NCALD: variants seen among roughly 807,000 people sequenced by gnomAD.
NCALD encodes the protein neurocalcin delta, also known as neurocalcin-delta.
Under a neutral mutation model 18.6 loss-of-function variants are expected in NCALD, and 10 were observed. The observed-to-expected ratio is 0.54, with a 90% CI of 0.33 to 0.91. The LOEUF (loss-of-function observed/expected upper bound fraction) is 0.91. Ranked by LOEUF, NCALD falls within the 40% of genes least tolerant of loss-of-function variation. The pLI is 0.03. For synonymous variants in NCALD, 88 were observed against 87.4 expected (o/e 1.01, Z -0.04); for missense variants, 184 against 247.6 (o/e 0.74, Z 1.72).
rs1822181608 is a variant in NCALD at position 102,018,953 on chromosome 8, T to C, written c.-157+1284A>G. On this transcript the variant is annotated intron_variant, in intron 2 of 6. Coordinates refer to the NCALD transcript ENST00000311028. ...ATGAACTTCTGTTCATAAAAAAGAG[T>C]AAAAAGGTAAACCACAGAAAAAGAG... Among the ~76,000 whole-genome samples, 4 of 151,400 alleles carry C rather than the reference T, an allele frequency of 2.6e-5. No homozygotes were observed. The South Asian group carries it at 6.3e-4, about 24-fold the overall frequency.
intron 2 of NCALD, among the ~76,000 whole-genome samples, chr8:101,704,691 C>T (rs144569963): frequency 1.3e-5 from 2 of 151,162 alleles, no homozygotes; most frequent in Non-Finnish European, 3.0e-5. Flanking sequence ...CTGAGGCAGG[C>T]GGGATCAGCT....
At chr8:101,824,589 G>A (rs1554640430) in intron 4 of NCALD, among the ~76,000 whole-genome samples, 2 of 151,984 alleles carry the variant, frequency 1.3e-5, no homozygotes, top group East Asian at 1.9e-4. Context: ...AAGACAAGCT[G>A]AAAATGGCAA....
chr8:101,817,655 A>G (rs575939201), intron 4 of NCALD, among the ~76,000 whole-genome samples: 1 of 152,064 alleles, frequency 6.6e-6, no homozygotes, highest in East Asian at 1.9e-4. Context: ...GACAATGAGG[A>G]TTTCAGAATA....
chr8:102,038,744 T>C (rs764364583), intron 1 of NCALD, among the ~76,000 whole-genome samples: 18 of 152,164 alleles, frequency 1.2e-4, no homozygotes, highest in Non-Finnish European at 1.9e-4. Flanking sequence ...AATTCTAGAA[T>C]GGCCCTCTGA....
chr8:101,774,720 A>C (rs944438517), intron 1 of NCALD, among the ~76,000 whole-genome samples: 6 of 152,186 alleles, frequency 3.9e-5, no homozygotes, highest in African/African-American at 1.4e-4. Flanking sequence ...TACCCAAGGC[A>C]TGTCAGTCCC....
intron 4 of NCALD, among the ~76,000 whole-genome samples, chr8:101,859,818 C>G (rs1815466988): frequency 6.6e-6 from 1 of 152,096 alleles, no homozygotes; most frequent in African/African-American, 2.4e-5. Context: ...GTTCCCAAAA[C>G]AGTAACATAA....
intron 3 of NCALD, among the ~76,000 whole-genome samples, chr8:101,899,428 T>C (rs1328877132): frequency 2.0e-5 from 3 of 152,012 alleles, no homozygotes; most frequent in African/African-American, 7.2e-5. Flanking sequence ...CAGTACTATA[T>C]TGAATAGGAG....
intron 4 of NCALD, among the ~76,000 whole-genome samples, chr8:101,865,353 G>A (rs1815725904): frequency 6.6e-6 from 1 of 152,214 alleles, no homozygotes; most frequent in South Asian, 2.1e-4. Context: ...GAGGACTCCA[G>A]GAGGGCTATT....
In NCALD at chr8:101,858,668, T is replaced by C. The variant is rs117688151; in HGVS notation, c.-20+28473A>G. On this transcript the variant is annotated intron_variant, in intron 4 of 6. Coordinates refer to the NCALD transcript ENST00000311028. ...ACTGGAGGATTTCTCTTGGAAGAAA[T>C]AGAATAGCCCTAGGGAAAAGTCTAC... is the stretch of plus-strand genomic sequence containing the variant. 8.4e-4 allele frequency among the ~76,000 whole-genome samples: 128 copies of C among 152,072 alleles called. No homozygotes were observed. In the East Asian group the frequency reaches 0.024, roughly 29 times the overall value.
intron 1 of NCALD, among the ~76,000 whole-genome samples, chr8:102,025,510 A>G (rs1332123379): frequency 6.6e-6 from 1 of 152,194 alleles, no homozygotes; most frequent in Admixed American, 6.5e-5. Context: ...TTAAAAATCA[A>G]TGAGTGGTAG....
At chr8:101,715,847 G>A (rs1335668337) in intron 2 of NCALD, among the ~76,000 whole-genome samples, 1 of 152,194 alleles carries the variant, frequency 6.6e-6, no homozygotes. Flanking sequence ...TGGAAAAATA[G>A]GAATCCTTTT....
intron 1 of NCALD, among the ~76,000 whole-genome samples, chr8:102,117,451 C>T (rs568543403): frequency 1.6e-4 from 25 of 152,332 alleles, no homozygotes; most frequent in Non-Finnish European, 3.2e-4. Flanking sequence ...TCCTCGGCAT[C>T]CGCCAGCTCA....
At chr8:101,825,765 T>TTA (rs150939750) in intron 4 of NCALD, among the ~76,000 whole-genome samples, 6,321 of 152,242 alleles carry the variant, frequency 0.042, 318 homozygotes, top group East Asian at 0.12. Context: ...ATTAAACATT[T>TTA]TAGGCTTTGC....
chr8:101,721,187 CAAAGCTTAGAA>C (rs1445646300), intron 1 of NCALD: 1 of 151,926 alleles, frequency 6.6e-6, no homozygotes, highest in Non-Finnish European at 1.5e-5. Context: ...AACCTGAAAG[CAAAGCTTAGAA>C]AAATTACAGA....
chr8:101,856,848 T>C (rs1332420804), intron 4 of NCALD, among the ~76,000 whole-genome samples: 1 of 152,140 alleles, frequency 6.6e-6, no homozygotes, highest in Non-Finnish European at 1.5e-5. Context: ...CCTGACTCCT[T>C]CTGCTCCTGG....
intron 2 of NCALD, among the ~76,000 whole-genome samples, chr8:101,976,320 C>T (rs1563499603): frequency 6.6e-6 from 1 of 152,198 alleles, no homozygotes; most frequent in Non-Finnish European, 1.5e-5. Context: ...GGCTGGTACA[C>T]AAGCAATGTC....
intron 2 of NCALD, among the ~76,000 whole-genome samples, chr8:101,997,909 T>C (rs1440635331): frequency 6.6e-6 from 1 of 152,222 alleles, no homozygotes; most frequent in Non-Finnish European, 1.5e-5. Flanking sequence ...CATTAAATAA[T>C]GTATGCACAA....
intron 1 of NCALD, among the ~76,000 whole-genome samples, chr8:102,078,373 A>C (rs1429966137): frequency 1.3e-5 from 2 of 152,150 alleles, no homozygotes; most frequent in African/African-American, 4.8e-5. Context: ...TATTTTTCAC[A>C]CAGCCACCAC....
intron 4 of NCALD, among the ~76,000 whole-genome samples, chr8:101,850,170 G>A (rs1012505305): frequency 4.6e-5 from 7 of 152,102 alleles, no homozygotes; most frequent in Non-Finnish European, 7.4e-5. Context: ...TCACAGGCCC[G>A]GGCATCAGTC....
Sources: allele counts gnomAD v4.1 joint callset (sites outside exome capture counted in the v4.1 genomes callset), GRCh38; gene constraint gnomAD v4.1.1; transcripts MANE v1.5; gene names NCBI Gene and HGNC (gene_info 2026-07-23, HGNC 2026-07-21).